PALM2AKAP2: variants seen among roughly 807,000 people sequenced by gnomAD.
PALM2AKAP2 encodes the protein PALM2 and AKAP2 fusion, also known as PALM2-AKAP2 fusion protein.
A neutral mutation model predicts 71.5 loss-of-function variants in PALM2AKAP2; 37 were observed. The observed-to-expected ratio is 0.52, with a 90% CI of 0.40 to 0.68. PALM2AKAP2 has a LOEUF of 0.68. Among genes scored for constraint, PALM2AKAP2 ranks in the 30% least tolerant of loss-of-function variants. The pLI is 0.00. For missense variants in PALM2AKAP2, 1,224 were observed against 1,191.8 expected (o/e 1.03, Z -0.40); for synonymous variants, 468 against 478.8 (o/e 0.98, Z 0.29).
intron 6 of PALM2AKAP2, among the ~76,000 whole-genome samples, chr9:109,963,238 G>A (rs1004265199): frequency 6.6e-6 from 1 of 152,202 alleles, no homozygotes; most frequent in African/African-American, 2.4e-5. Context: ...TTAGCCTGAA[G>A]GGACTGAAGG....
At chr9:109,838,179 C>G (rs993444379) in intron 1 of PALM2AKAP2, among the ~76,000 whole-genome samples, 5 of 152,216 alleles carry the variant, frequency 3.3e-5, no homozygotes, top group Non-Finnish European at 7.3e-5. Flanking sequence ...CAAACTGTCT[C>G]TCAGACCACA....
chr9:109,710,659 G>C (rs912738081), intron 1 of PALM2AKAP2, among the ~76,000 whole-genome samples: 6 of 152,164 alleles, frequency 3.9e-5, no homozygotes, highest in Admixed American at 3.9e-4. Flanking sequence ...ACAGAGTACA[G>C]TGCTTGGTTT....
chr9:110,070,265 A>G (rs2118583820), intron 1 of PALM2AKAP2, among the ~76,000 whole-genome samples: 1 of 152,370 alleles, frequency 6.6e-6, no homozygotes, highest in African/African-American at 2.4e-5. Flanking sequence ...GTTCAAGGTC[A>G]CATGCTTGCA....
chr9:110,098,785 C>T (rs1588108522), intron 1 of PALM2AKAP2, among the ~76,000 whole-genome samples: 2 of 152,330 alleles, frequency 1.3e-5, no homozygotes, highest in East Asian at 1.9e-4. Flanking sequence ...AGGACCTTGG[C>T]ATTCTACTTC....
At chr9:110,091,289 T>G (rs370540454) in intron 1 of PALM2AKAP2, among the ~76,000 whole-genome samples, 1 of 152,142 alleles carries the variant, frequency 6.6e-6, no homozygotes, top group East Asian at 1.9e-4. Context: ...AAGATTTTTT[T>G]AAAAAACCCT....
chr9:109,903,319 A>G (rs1374924333), intron 3 of PALM2AKAP2, among the ~76,000 whole-genome samples: 1 of 151,670 alleles, frequency 6.6e-6, no homozygotes, highest in Non-Finnish European at 1.5e-5. Context: ...GGTTGGCCAT[A>G]CTGGACCACA....
intron 6 of PALM2AKAP2, among the ~76,000 whole-genome samples, chr9:110,013,559 A>G (rs1268203771): frequency 6.6e-6 from 1 of 152,244 alleles, no homozygotes; most frequent in Non-Finnish European, 1.5e-5. Flanking sequence ...ATCTCCTTGC[A>G]GCAATTCCTT....
intron 1 of PALM2AKAP2, among the ~76,000 whole-genome samples, chr9:109,833,606 C>T (rs897624053): frequency 3.9e-5 from 6 of 152,106 alleles, no homozygotes; most frequent in African/African-American, 7.2e-5. Context: ...AAAGGATGTT[C>T]GAAGCATGAT....
At chr9:109,754,117 T>C (rs1199226350) in intron 1 of PALM2AKAP2, among the ~76,000 whole-genome samples, 2 of 152,180 alleles carry the variant, frequency 1.3e-5, no homozygotes, top group Admixed American at 6.6e-5. Context: ...TTAGATTTTA[T>C]TGGAGTGCCA....
At chr9:110,162,828 A>G (rs1003167848) in intron 3 of PALM2AKAP2, among the ~76,000 whole-genome samples, 6 of 152,132 alleles carry the variant, frequency 3.9e-5, no homozygotes, top group African/African-American at 1.4e-4. Flanking sequence ...TCAGCCTCCC[A>G]AAGAGCTGGA....
At position 109,999,008 on chromosome 9, in the gene PALM2AKAP2, G is replaced by T. The variant is rs547890212; in HGVS notation, c.497-16946G>T. Among the ~76,000 whole-genome samples the T allele has an allele frequency of 3.7e-4, 56 of 152,218 alleles. No individual in the cohort carries two copies. The Middle Eastern group carries it at 0.014, about 37-fold the overall frequency. ...CCAGACTGTGCTGACTGAGGCCTGG[G>T]GTGGGACAGCAGGGAGGACAGTCCC... On this transcript the variant is annotated intron_variant, in intron 6 of 9. Transcript: ENST00000302798.
In PALM2AKAP2 at chr9:109,888,900, G is replaced by C. The variant is rs1033196309; in HGVS notation, c.257+8219G>C. 5.9e-5 allele frequency among the ~76,000 whole-genome samples: 9 copies of C among 152,032 alleles called. No individual in the cohort carries two copies. The East Asian group carries it at 1.3e-3, about 23-fold the overall frequency. Reference sequence around the variant, plus strand: ...GGCCTCTACCTAGTGGCTTCCAGGGGCACCATTGCCCTTTCCCAGTCATGA... The same window carrying C: ...GGCCTCTACCTAGTGGCTTCCAGGGCCACCATTGCCCTTTCCCAGTCATGA... On this transcript the variant is annotated intron_variant, in intron 3 of 9. Transcript: ENST00000302798.
At chr9:110,071,125 C>G (rs537825863) in intron 1 of PALM2AKAP2, among the ~76,000 whole-genome samples, 34 of 140,568 alleles carry the variant, frequency 2.4e-4, no homozygotes, top group Non-Finnish European at 3.0e-4. Context: ...GATCATGCCA[C>G]TGCACTCCAG....
intron 1 of PALM2AKAP2, among the ~76,000 whole-genome samples, chr9:109,656,824 A>G (rs950838560): frequency 6.6e-6 from 1 of 152,216 alleles, no homozygotes; most frequent in Non-Finnish European, 1.5e-5. Context: ...GGTACTGCTA[A>G]TGATGGCATA....
intron 6 of PALM2AKAP2, among the ~76,000 whole-genome samples, chr9:109,983,831 C>T (rs778247146): frequency 2.0e-5 from 3 of 151,044 alleles, no homozygotes; most frequent in Non-Finnish European, 4.4e-5. Flanking sequence ...TGCCACTGCA[C>T]TGCAGCCTGG....
At chr9:109,982,677 G>A (rs756180068) in intron 6 of PALM2AKAP2, among the ~76,000 whole-genome samples, 2 of 152,220 alleles carry the variant, frequency 1.3e-5, no homozygotes, top group South Asian at 2.1e-4. Flanking sequence ...CCAGGCAGGA[G>A]TGCAGTGCAT....
intron 1 of PALM2AKAP2, among the ~76,000 whole-genome samples, chr9:109,689,244 C>T (rs2118540822): frequency 6.8e-6 from 1 of 147,832 alleles, no homozygotes; most frequent in South Asian, 2.2e-4. Context: ...GCTCTGTCAC[C>T]CAGGCTGGAG....
intron 6 of PALM2AKAP2, among the ~76,000 whole-genome samples, chr9:109,938,898 A>G (rs947318614): frequency 1.3e-5 from 2 of 152,162 alleles, no homozygotes; most frequent in African/African-American, 2.4e-5. Context: ...GCTTGGTAGC[A>G]TATGCCTGTA....
chr9:109,971,727 A>G (rs1832073513), intron 6 of PALM2AKAP2, among the ~76,000 whole-genome samples: 3 of 152,136 alleles, frequency 2.0e-5, no homozygotes, highest in Non-Finnish European at 4.4e-5. Context: ...CGCCCAGCCA[A>G]GATACATTGT....
Sources: gnomAD v4.1 joint callset for allele counts (sites outside exome capture counted in the v4.1 genomes callset) on GRCh38, gnomAD v4.1.1 for gene constraint, MANE v1.5 for transcripts, NCBI Gene and HGNC (gene_info 2026-07-23, HGNC 2026-07-21) for gene names.